ZNF354B: variants seen among roughly 807,000 people sequenced by gnomAD.
The protein encoded by ZNF354B is zinc finger protein 354B.
Under a neutral mutation model 12.9 loss-of-function variants are expected in ZNF354B, and 10 were observed. The ratio of observed to expected loss-of-function variants is 0.77; its 90% CI spans 0.48 to 1.31. ZNF354B has a LOEUF of 1.31. Among genes scored for constraint, ZNF354B ranks in the 40% most tolerant of loss-of-function variants. ZNF354B has a pLI of 0.00. For missense variants in ZNF354B, 614 were observed against 711.7 expected (o/e 0.86, Z 1.56); for synonymous variants, 260 against 243.7 (o/e 1.07, Z -0.62).
chr5:178,870,206 G>C (rs1425459526), intron 4 of ZNF354B, among the ~76,000 whole-genome samples: 1 of 152,176 alleles, frequency 6.6e-6, no homozygotes, highest in Non-Finnish European at 1.5e-5. Context: ...TGAACAGCCA[G>C]TGATAGAAAA....
chr5:178,884,044 T>G lies in ZNF354B; in HGVS notation c.1592T>G (p.Phe531Cys), dbSNP rs367750403. The stretch of plus-strand genomic sequence containing the variant: ...CGATGTTTAGAATGTGGGATGTCTT[T>G]TGGCCAAAGTGCAGCTCTTATACAA... ...PYRCLECGMS[F>C]GQSAALIQHQ... The change falls in exon 5 of 5, where the codon TTT (phenylalanine) becomes TGT (cysteine). Residue 531 changes from phenylalanine (F) to cysteine (C), a missense_variant. Phe to Cys is a radical substitution (Grantham distance 205). Coordinates refer to ENST00000322434, the MANE Select transcript of ZNF354B (RefSeq NM_058230.3). 3.7e-6 allele frequency: 6 copies of G among 1,614,008 alleles called. No homozygotes were observed. The highest frequency in any genetic ancestry group is 5.1e-6 in the Non-Finnish European group (6 of 1,179,982).
In ZNF354B at chr5:178,884,240, T is replaced by C. The variant is rs771001150; in HGVS notation, c.1788T>C (p.His596=). ...LFSQRSSLTN[H]YKIHIEEDSL... ...GCCAGAGGTCATCCCTTACTAATCA[T>C]TATAAAATTCACATTGAAGAGGACT... The change falls in exon 5 of 5, where the codon CAT becomes CAC. Residue 596 remains histidine (H), a synonymous_variant. Coordinates refer to ENST00000322434, the MANE Select transcript of ZNF354B (RefSeq NM_058230.3). The C allele has an allele frequency of 1.1e-5, 17 of 1,608,246 alleles. No homozygotes were observed. In the Admixed American group the frequency reaches 2.9e-4, roughly 27 times the overall value.
In ZNF354B at chr5:178,884,369, T is replaced by C; in HGVS notation, c.*78T>C. On this transcript the variant is annotated 3_prime_UTR_variant, in exon 5 of 5. Transcript: ENST00000322434. ...AATATAATGAATATGAGAAAACTCT[T>C]AGTTCTCATCAGATACTAAGTTTTA... The C allele has an allele frequency of 7.0e-7, 1 of 1,419,628 alleles. No homozygotes were observed. The highest frequency in any genetic ancestry group is 1.4e-5 in the African/African-American group (1 of 69,508). 87.9% of individuals were successfully genotyped at this position (1,419,628 alleles called of 1,614,324 possible). A position where few individuals can be genotyped will look rare whatever the true frequency, so the allele number is the denominator to read the frequency against.
At chr5:178,882,123 T>C (rs1757727716) in intron 4 of ZNF354B, among the ~76,000 whole-genome samples, 1 of 152,202 alleles carries the variant, frequency 6.6e-6, no homozygotes, top group African/African-American at 2.4e-5. Context: ...CTCAGTTCAT[T>C]TTTGCTTGAG....
At chr5:178,868,859 C>T (rs1382196698) in intron 4 of ZNF354B, among the ~76,000 whole-genome samples, 1 of 151,834 alleles carries the variant, frequency 6.6e-6, no homozygotes, top group African/African-American at 2.4e-5. Context: ...GTAGTCCCAG[C>T]TACTCGGGAG....
chr5:178,866,440 A>G (rs1757457669), intron 3 of ZNF354B, 70 bp downstream of exon 3: 1 of 1,546,066 alleles, frequency 6.5e-7, no homozygotes, highest in South Asian at 1.3e-5. Context: ...TCCCTGAATA[A>G]AAGCAGTTGA....
intron 2 of ZNF354B, among the ~76,000 whole-genome samples, chr5:178,863,396 AC>A (rs35607921): frequency 0.22 from 34,134 of 152,064 alleles, 4,422 homozygotes; most frequent in Middle Eastern, 0.32. Flanking sequence ...TAAGATTAAA[AC>A]CTAGCTGAAA....
rs141190107 is a variant in ZNF354B at position 178,874,404 on chromosome 5, A to G, written c.256+7333A>G. ...TGAGTCGTAGATTTTGTCTCTTTAC[A>G]TAATCCCTTATTTCTCAGGTTTTGT... On this transcript the variant is annotated intron_variant, in intron 4 of 4. Coordinates refer to ENST00000322434, the MANE Select transcript of ZNF354B (RefSeq NM_058230.3). Among the ~76,000 whole-genome samples, 1,380 of 152,276 alleles carry G rather than the reference A, an allele frequency of 9.1e-3. 18 individuals carry two copies. The highest frequency in any genetic ancestry group is 0.032 in the African/African-American group (1,330 of 41,552).
chr5:178,869,591 A>C (rs1173395832), intron 4 of ZNF354B, among the ~76,000 whole-genome samples: 1 of 152,094 alleles, frequency 6.6e-6, no homozygotes, highest in East Asian at 1.9e-4. Flanking sequence ...TGGCTGAGTA[A>C]GTCTCCCCTC....
chr5:178,873,093 T>C (rs976045777), intron 4 of ZNF354B, among the ~76,000 whole-genome samples: 92 of 152,186 alleles, frequency 6.0e-4, no homozygotes, highest in African/African-American at 2.0e-3. Context: ...TGGCCTGTGT[T>C]TCTTATTTAA....
At chr5:178,864,684 G>A (rs60813042) in intron 2 of ZNF354B, among the ~76,000 whole-genome samples, 22,440 of 150,880 alleles carry the variant, frequency 0.15, 2,044 homozygotes, top group African/African-American at 0.26. Context: ...GTGCAGTGGT[G>A]CAGTCTCGGC....
chr5:178,869,522 T>C (rs11949892), intron 4 of ZNF354B, among the ~76,000 whole-genome samples: 22,565 of 151,216 alleles, frequency 0.15, 2,046 homozygotes, highest in African/African-American at 0.26. Context: ...GAATCTTGTG[T>C]GGAAGAGCAG....
Position 178,883,949 on chromosome 5 carries a change from T to C in ZNF354B, c.1497T>C (p.Cys499=). Residue 499 remains cysteine (C), a synonymous_variant, in exon 5 of 5, where the codon TGT becomes TGC. Coordinates refer to ENST00000322434, the MANE Select transcript of ZNF354B (RefSeq NM_058230.3). ...TGERPYKCNE[C]DKTFRCNSSL... ...AAAGACCCTATAAGTGTAACGAATG[T>C]GACAAAACATTCAGGTGTAACTCAT... 1.2e-6 allele frequency: 2 copies of C among 1,614,106 alleles called. No homozygotes were observed. Among genetic ancestry groups the C allele is most frequent in the Non-Finnish European group, 1.7e-6 (2 of 1,179,998 alleles).
chr5:178,872,609 T>C (rs890617930), intron 4 of ZNF354B, among the ~76,000 whole-genome samples: 1 of 152,188 alleles, frequency 6.6e-6, no homozygotes, highest in Non-Finnish European at 1.5e-5. Context: ...ACCAGTAGCA[T>C]GTGAATGATC....
rs1485343536 is a variant in ZNF354B, at chr5:178,882,691, CT to C, written c.257-11del. On this transcript the variant is annotated splice_polypyrimidine_tract_variant and intron_variant, in intron 4 of 4. Transcript: ENST00000322434. ...CACATGAATCATGGGCTGTTGCTTT[CT>C]TTTTTTCTTTTTTCAGGATGTAAGA... 4 of 1,531,564 alleles carry C rather than the reference CT, an allele frequency of 2.6e-6. No individual in the cohort carries two copies. In the East Asian group the frequency reaches 9.1e-5, roughly 35 times the overall value. 94.9% of individuals were successfully genotyped at this position (1,531,564 alleles called of 1,614,324 possible).
intron 2 of ZNF354B, among the ~76,000 whole-genome samples, chr5:178,862,591 A>G (rs563822538): frequency 9.9e-5 from 15 of 152,140 alleles, no homozygotes; most frequent in Middle Eastern, 3.4e-3. Context: ...GATGGCCTCA[A>G]TCTCCTGACC....
chr5:178,883,569 C>T lies in ZNF354B; in HGVS notation c.1117C>T (p.Gln373Ter). 6.2e-7 allele frequency: 1 copy of T among 1,614,058 alleles called. No individual in the cohort carries two copies. Among genetic ancestry groups the T allele is most frequent in the Non-Finnish European group, 8.5e-7 (1 of 1,179,938 alleles). Residue 373 changes from glutamine to a stop codon, truncating the protein, a stop_gained, in exon 5 of 5, where the codon CAG (glutamine) becomes TAG (stop). Coordinates refer to ENST00000322434, the MANE Select transcript of ZNF354B (RefSeq NM_058230.3). LOFTEE classifies it high-confidence loss of function. Reference protein sequence around the residue: ...FKSSSSLRYHQRIHTGEKPFK... With the variant: ...FKSSSSLRYH ...GTCTAGCTCATCCCTTCGTTATCAT[C>T]AGAGAATTCACACTGGAGAGAAGCC...
intron 4 of ZNF354B, among the ~76,000 whole-genome samples, chr5:178,879,778 G>C (rs149989667): frequency 8.8e-4 from 134 of 152,352 alleles, no homozygotes; most frequent in African/African-American, 2.8e-3. Context: ...AGGACAGAAA[G>C]TGGAAGAAAA....
chr5:178,863,284 G>A lies in ZNF354B; in HGVS notation c.33+2204G>A, dbSNP rs1209447360. On this transcript the variant is annotated intron_variant, in intron 2 of 4. Transcript: ENST00000322434. ...TATATATATGTATGTTTATGGATAC[G>A]TGTGTATATATATGTGCATATGTAT... 1.3e-5 allele frequency among the ~76,000 whole-genome samples: 2 copies of A among 152,054 alleles called. 1 individual carries two copies.
Sources: gnomAD v4.1 joint callset for allele counts (sites outside exome capture counted in the v4.1 genomes callset) on GRCh38, gnomAD v4.1.1 for gene constraint, MANE v1.5 for transcripts, NCBI Gene and HGNC (gene_info 2026-07-23, HGNC 2026-07-21) for gene names.